ZIC4: variants seen among roughly 807,000 people sequenced by gnomAD.
ZIC4 encodes the protein Zic family zinc finger 4, also known as zinc finger protein ZIC 4.
ZIC4 carries 15 observed loss-of-function variants against 28.8 expected under a neutral mutation model. That is an observed-to-expected ratio of 0.52 (90% CI 0.35 to 0.80). ZIC4 has a LOEUF of 0.80. Ranked by LOEUF, ZIC4 falls within the 30% of genes least tolerant of loss-of-function variation. The pLI is 0.01. For synonymous variants in ZIC4, 220 were observed against 198.1 expected, an observed-to-expected ratio of 1.11 and a Z score of -0.93; for missense variants, 512 against 467.1, an observed-to-expected ratio of 1.10 and a Z score of -0.89.
rs375825533 is a variant in ZIC4 at position 147,392,409 on chromosome 3, A to G, written c.689-1163T>C. 386 of 985,470 alleles carry G rather than the reference A, an allele frequency of 3.9e-4. 1 individual carries two copies. In the East Asian group the frequency reaches 4.4e-3, roughly 11 times the overall value. The allele number at this position is 985,470 out of a possible 1,614,324, so 61.0% of individuals were successfully genotyped here. ...ACAATATTGGCCGGACCGAGCCCCA[A>G]TCGGGGAGCTCACGGCCAGCTGAAT... On this transcript the variant is annotated intron_variant, in intron 3 of 4. Coordinates refer to ENST00000383075, the MANE Select transcript of ZIC4 (RefSeq NM_032153.6).
chr3:147,399,112 A>G (rs1479034264), intron 2 of ZIC4, among the ~76,000 whole-genome samples: 1 of 151,916 alleles, frequency 6.6e-6, no homozygotes, highest in African/African-American at 2.4e-5. Flanking sequence ...ATTAGAGAAG[A>G]GTATTTGACT....
At chr3:147,404,248 C>A in intron 1 of ZIC4, 1 of 1,437,732 alleles carries the variant, frequency 7.0e-7, no homozygotes, top group Admixed American at 2.8e-5. Context: ...CATAAGGCAG[C>A]CCCAACCCAA....
At position 147,396,273 on chromosome 3, in the gene ZIC4, C is replaced by T. The variant is rs761644702; in HGVS notation, c.267G>A (p.Leu89=). ...PPGPAARSDA[L]AAAAALHGYG... is the part of the protein sequence containing the mutation. Reference sequence around the variant, plus strand: ...AGCCATGCAGGGCTGCGGCAGCTGCCAGGGCGTCGCTGCGGGCCGCAGGCC... The same window carrying T: ...AGCCATGCAGGGCTGCGGCAGCTGCTAGGGCGTCGCTGCGGGCCGCAGGCC... Residue 89 remains leucine (L), a synonymous_variant, in exon 3 of 5, where the codon CTG becomes CTA. Transcript: ENST00000383075. This position sits in a 1 kb window ranked among gnomAD's most constrained non-coding sequence, Gnocchi z 4.2. 11 of 1,610,504 alleles carry T rather than the reference C, an allele frequency of 6.8e-6. No individual in the cohort carries two copies. Among genetic ancestry groups the T allele is most frequent in the South Asian group, 1.1e-5 (1 of 90,888 alleles).
At chr3:147,399,613 T>A (rs1010381378) in intron 2 of ZIC4, among the ~76,000 whole-genome samples, 1 of 152,108 alleles carries the variant, frequency 6.6e-6, no homozygotes, top group East Asian at 1.9e-4. Context: ...CAGTTCAGAA[T>A]GTTTGTCAAA....
chr3:147,404,447 C>A (rs1156621554), intron 1 of ZIC4, among the ~76,000 whole-genome samples: 1 of 152,214 alleles, frequency 6.6e-6, no homozygotes, highest in Non-Finnish European at 1.5e-5. Flanking sequence ...TCCTTTAGTT[C>A]AAACTCTGAC....
Position 147,396,530 on chromosome 3 carries a change from G to A in ZIC4, c.71-61C>T, listed in dbSNP as rs2107975323. 6.8e-7 allele frequency: 1 copy of A among 1,480,926 alleles called. No homozygotes were observed. The highest frequency in any genetic ancestry group is 1.4e-5 in the African/African-American group (1 of 71,300). The allele number at this position is 1,480,926 out of a possible 1,614,324, so 91.7% of individuals were successfully genotyped here. On this transcript the variant is annotated intron_variant, in intron 2 of 4. Transcript: ENST00000383075. This position sits in a 1 kb window ranked among gnomAD's most constrained non-coding sequence, Gnocchi z 4.2. ...TGGCGTGGGCTGCGCGCTCTTCCCT[G>A]GGCCCCGGGGGGCAGGCCCAGCCCT...
intron 2 of ZIC4, among the ~76,000 whole-genome samples, chr3:147,402,376 G>T (rs2087183853): frequency 6.6e-6 from 1 of 152,180 alleles, no homozygotes; most frequent in African/African-American, 2.4e-5. Context: ...AAATTGTCTG[G>T]AAATGAATTC....
intron 1 of ZIC4, chr3:147,403,895 G>A (rs2107985289): frequency 7.0e-7 from 1 of 1,429,074 alleles, no homozygotes; most frequent in Non-Finnish European, 9.2e-7. Flanking sequence ...CAACTGGCTT[G>A]GCGGCTTTTA....
intron 2 of ZIC4, among the ~76,000 whole-genome samples, chr3:147,397,983 G>T (rs1261368427): frequency 6.6e-6 from 1 of 151,926 alleles, no homozygotes. Flanking sequence ...AAAGACGCGC[G>T]AAACTCAAGG....
chr3:147,395,314 G>T (rs2087015607), intron 3 of ZIC4, among the ~76,000 whole-genome samples: 1 of 152,128 alleles, frequency 6.6e-6, no homozygotes, highest in South Asian at 2.1e-4. Context: ...GCGAAAGTGA[G>T]GGTCCACCAA....
In ZIC4 at chr3:147,402,751, T is replaced by A; in HGVS notation, c.47A>T (p.Tyr16Phe). 1 of 1,613,838 alleles carries A rather than the reference T, an allele frequency of 6.2e-7. No individual in the cohort carries two copies. Among genetic ancestry groups the A allele is most frequent in the South Asian group, 1.1e-5 (1 of 91,028 alleles). ...SLVMRKRLRLYRNTLKESSSS... is the reference protein window; with the variant it reads ...SLVMRKRLRLFRNTLKESSSS... The stretch of plus-strand genomic sequence containing the variant: ...ACTTGACTCTTTAAGAGTGTTTCGG[T>A]AAAGCCGTAATCGTTTCCTCATCAC... Residue 16 changes from tyrosine (Y) to phenylalanine (F), a missense_variant, in exon 2 of 5, where the codon TAC becomes TTC. Tyr to Phe is a conservative substitution (Grantham distance 22, BLOSUM62 3). This residue lies in a region of ZIC4 where 310 missense variants were observed against 256.5 expected (regional missense o/e 1.21). Coordinates refer to ENST00000383075, the MANE Select transcript of ZIC4 (RefSeq NM_032153.6).
intron 3 of ZIC4, among the ~76,000 whole-genome samples, chr3:147,394,115 T>C (rs959165922): frequency 1.6e-4 from 23 of 142,732 alleles, no homozygotes; most frequent in African/African-American, 5.5e-4. Flanking sequence ...ATATTTTTTT[T>C]CCCTCTCTCT....
At chr3:147,405,298 G>A (rs1408608742) in intron 1 of ZIC4, 3 of 1,373,566 alleles carry the variant, frequency 2.2e-6, no homozygotes, top group East Asian at 2.5e-5. Flanking sequence ...GGCTGAGACA[G>A]GAGAAAAAAG....
At chr3:147,404,228 C>T (rs2107985955) in intron 1 of ZIC4, 2 of 1,452,758 alleles carry the variant, frequency 1.4e-6, no homozygotes, top group South Asian at 1.5e-5. Flanking sequence ...CCTAGAGATC[C>T]CTGTCCACCC....
chr3:147,388,694 T>A lies in ZIC4; in HGVS notation c.*165A>T, dbSNP rs951360306. Reference sequence around the variant, plus strand: ...GGGCTCCAGGCTTGGCCTTTCAGGATTTCAGTGCGACTTGCACATTGCCAT... The same window carrying A: ...GGGCTCCAGGCTTGGCCTTTCAGGAATTCAGTGCGACTTGCACATTGCCAT... On this transcript the variant is annotated 3_prime_UTR_variant, in exon 5 of 5. Transcript: ENST00000383075. The A allele has an allele frequency of 8.5e-5, 53 of 623,888 alleles. No homozygotes were observed. The Admixed American group carries it at 1.3e-3, about 16-fold the overall frequency. The allele number at this position is 623,888 out of a possible 1,614,324, so 38.6% of individuals were successfully genotyped here.
chr3:147,404,180 T>G, intron 1 of ZIC4: 1 of 1,502,626 alleles, frequency 6.7e-7, no homozygotes, highest in Non-Finnish European at 8.8e-7. Context: ...ATAATAGAAT[T>G]TACTCTTTTG....
intron 3 of ZIC4, among the ~76,000 whole-genome samples, chr3:147,394,604 C>A (rs1195168297): frequency 6.6e-6 from 1 of 152,136 alleles, no homozygotes; most frequent in Admixed American, 6.5e-5. Flanking sequence ...TGTGACCTAC[C>A]GCCCCTTCCC....
chr3:147,400,942 G>T (rs1453164191), intron 2 of ZIC4, among the ~76,000 whole-genome samples: 1 of 152,164 alleles, frequency 6.6e-6, no homozygotes, highest in Non-Finnish European at 1.5e-5. Flanking sequence ...ACCCATGCCT[G>T]GAGATATAAC....
Position 147,396,489 on chromosome 3 carries a change from C to G in ZIC4, c.71-20G>C. On this transcript the variant is annotated intron_variant, in intron 2 of 4. Transcript: ENST00000383075. This position sits in a 1 kb window ranked among gnomAD's most constrained non-coding sequence, Gnocchi z 4.2. ...TGCTACCTGTTGTCGAAACAAATAG[C>G]GCGCATGAGAACGGGTGGCGTGGGC... 1.3e-6 allele frequency: 2 copies of G among 1,502,734 alleles called. No homozygotes were observed. The highest frequency in any genetic ancestry group is 1.8e-6 in the Non-Finnish European group (2 of 1,131,060). The allele number at this position is 1,502,734 out of a possible 1,614,324, so 93.1% of individuals were successfully genotyped here.
Sources: gnomAD v4.1 joint callset for allele counts (sites outside exome capture counted in the v4.1 genomes callset) on GRCh38, gnomAD v4.1.1 for gene constraint, gnomAD v4.1.1 regional missense constraint, Gnocchi (gnomAD v3.1) non-coding constraint, MANE v1.5 for transcripts, NCBI Gene and HGNC (gene_info 2026-07-23, HGNC 2026-07-21) for gene names.